ZC3H13: variants seen among roughly 807,000 people sequenced by gnomAD.
ZC3H13 encodes zinc finger CCCH domain-containing protein 13.
Under a neutral mutation model 204.1 loss-of-function variants are expected in ZC3H13, and 64 were observed. The ratio of observed to expected loss-of-function variants is 0.31; its 90% CI spans 0.26 to 0.39. The LOEUF (loss-of-function observed/expected upper bound fraction) is 0.39, where lower values mean the gene tolerates loss of function less well. Among genes scored for constraint, ZC3H13 ranks in the 10% least tolerant of loss-of-function variants. ZC3H13 has a pLI of 1.00. For missense variants in ZC3H13, 1,833 were observed against 2,082.7 expected (o/e 0.88, Z 2.33); for synonymous variants, 667 against 693.7 (o/e 0.96, Z 0.60).
intron 17 of ZC3H13, among the ~76,000 whole-genome samples, chr13:45,960,390 T>C (rs1026683824): frequency 1.3e-5 from 2 of 152,232 alleles, no homozygotes; most frequent in African/African-American, 4.8e-5. Flanking sequence ...AAGACTTTAT[T>C]ATAGCAAGAT....
At chr13:45,960,841 A>G (rs1221360258) in intron 17 of ZC3H13, among the ~76,000 whole-genome samples, 1 of 152,240 alleles carries the variant, frequency 6.6e-6, no homozygotes, top group East Asian at 1.9e-4. Flanking sequence ...TACTGAGAAC[A>G]AAATGAAGCT....
intron 13 of ZC3H13, 45 bp downstream of exon 13, chr13:45,970,317 C>T (rs780001804): frequency 6.3e-6 from 10 of 1,589,958 alleles, no homozygotes; most frequent in Non-Finnish European, 7.8e-6. Context: ...TTCATGGTTA[C>T]AAATGAATAT....
chr13:45,964,011 A>G lies in ZC3H13; in HGVS notation c.4506T>C (p.Ser1502=). The change falls in exon 17 of 19, where the codon TCT becomes TCC. Residue 1502 remains serine, a synonymous_variant. Transcript: ENST00000679008. Reference sequence around the variant, plus strand: ...CTTTTGGATGCTTTGGCATAAGACCAGACCAATCCACATCTATCACATCTA... The same window carrying G: ...CTTTTGGATGCTTTGGCATAAGACCGGACCAATCCACATCTATCACATCTA... ...DPLDVIDVDW[S]GLMPKHPKEP... is the part of the protein sequence containing the mutation. 6.2e-7 allele frequency: 1 copy of G among 1,614,110 alleles called. No homozygotes were observed. The highest frequency in any genetic ancestry group is 1.3e-5 in the African/African-American group (1 of 75,078).
chr13:46,032,228 T>C (rs561174151), intron 4 of ZC3H13, among the ~76,000 whole-genome samples: 1 of 152,280 alleles, frequency 6.6e-6, no homozygotes, highest in African/African-American at 2.4e-5. Context: ...ACTTTTGCTG[T>C]GATCCTAAAA....
intron 11 of ZC3H13, 92 bp downstream of exon 11, chr13:45,979,721 T>C (rs1160513670): frequency 7.8e-7 from 1 of 1,288,482 alleles, no homozygotes; most frequent in Non-Finnish European, 1.1e-6. Flanking sequence ...TTAAAGTATA[T>C]TTTATATTAA....
intron 4 of ZC3H13, among the ~76,000 whole-genome samples, chr13:46,039,086 G>C (rs917008958): frequency 7.2e-5 from 11 of 152,122 alleles, no homozygotes; most frequent in Non-Finnish European, 1.0e-4. Flanking sequence ...TTCTGTTTAA[G>C]TTTAGATAGT....
At chr13:45,993,259 A>G (rs1341727766) in intron 8 of ZC3H13, among the ~76,000 whole-genome samples, 1 of 152,194 alleles carries the variant, frequency 6.6e-6, no homozygotes, top group African/African-American at 2.4e-5. Flanking sequence ...TTTAAAAACA[A>G]TCTACATGTG....
intron 17 of ZC3H13, among the ~76,000 whole-genome samples, chr13:45,961,439 CA>C (rs1423883427): frequency 1.3e-5 from 2 of 150,794 alleles, no homozygotes; most frequent in Admixed American, 6.6e-5. Context: ...TGAGCAGCAC[CA>C]AATTACTCAA....
intron 14 of ZC3H13, among the ~76,000 whole-genome samples, chr13:45,968,248 T>C (rs891906441): frequency 6.6e-6 from 1 of 152,078 alleles, no homozygotes. Context: ...TAAGAAAAAT[T>C]CCTCTCTCAA....
Position 45,962,679 on chromosome 13 carries a change from G to A in ZC3H13, c.4675+1163C>T. The A allele has an allele frequency of 6.1e-6, 6 of 979,422 alleles. No homozygotes were observed. The South Asian group carries it at 2.8e-4, about 46-fold the overall frequency. 60.7% of individuals were successfully genotyped at this position (979,422 alleles called of 1,614,324 possible). On this transcript the variant is annotated intron_variant, in intron 17 of 18. Transcript: ENST00000679008. ...GCTTATGCTAATAGAGTAAAGGAAG[G>A]GCATGAATTCATAAAACTCATAAAA...
In ZC3H13 at chr13:46,007,646, C is replaced by T. The variant is rs994127962; in HGVS notation, c.746+2702G>A. On this transcript the variant is annotated intron_variant, in intron 7 of 18. Transcript: ENST00000679008. ...TATATGTGGTTAGAAAACACAATTA[C>T]GTTACAGTGCTTTCCAACTGAAGAG... is the stretch of plus-strand genomic sequence containing the variant. 5.3e-5 allele frequency among the ~76,000 whole-genome samples: 8 copies of T among 152,258 alleles called. No individual in the cohort carries two copies. In the East Asian group the frequency reaches 1.5e-3, roughly 29 times the overall value.
chr13:46,032,492 T>C (rs573894647), intron 4 of ZC3H13, among the ~76,000 whole-genome samples: 1 of 152,160 alleles, frequency 6.6e-6, no homozygotes, highest in South Asian at 2.1e-4. Flanking sequence ...TTTTTTTCTA[T>C]GAAATTGGCA....
chr13:45,979,356 C>A (rs1953349227), intron 11 of ZC3H13, among the ~76,000 whole-genome samples: 1 of 152,040 alleles, frequency 6.6e-6, no homozygotes, highest in South Asian at 2.1e-4. Context: ...TAAAATATTT[C>A]TCTAAACAAT....
At chr13:46,021,585 C>T (rs2042222282) in intron 4 of ZC3H13, among the ~76,000 whole-genome samples, 1 of 151,826 alleles carries the variant, frequency 6.6e-6, no homozygotes, top group Non-Finnish European at 1.5e-5. Context: ...TATATAACTG[C>T]CCCTAAATTC....
rs558980903 is a variant in ZC3H13 at position 45,967,914 on chromosome 13, C to T, written c.3911G>A (p.Arg1304Gln). The change falls in exon 15 of 19, where the codon CGA becomes CAA. Residue 1304 changes from arginine to glutamine, a missense_variant. By Grantham distance (43) the Arg-to-Gln change is conservative. This residue lies in a region of ZC3H13 where 1,574 missense variants were observed against 1,757.2 expected (regional missense o/e 0.90). Transcript: ENST00000679008. ...CTCGCGCTCTCTGTCGTGTTCATAT[C>T]GATCTCGTTCTTGAAGCCTGTCTCT... ...DSRDRLQERD[R>Q]YEHDRERERE... 2.5e-6 allele frequency: 4 copies of T among 1,613,988 alleles called. No individual in the cohort carries two copies. Among genetic ancestry groups the T allele is most frequent in the Non-Finnish European group, 3.4e-6 (4 of 1,179,948 alleles).
intron 4 of ZC3H13, 63 bp from the exon 5 acceptor site, chr13:46,020,620 G>A (rs1326373183): frequency 1.9e-6 from 2 of 1,061,892 alleles, no homozygotes; most frequent in Non-Finnish European, 2.7e-6. Context: ...GTAGTTTATT[G>A]TAATAAGAGA....
chr13:46,030,936 C>T (rs566971902), intron 4 of ZC3H13, among the ~76,000 whole-genome samples: 9 of 152,232 alleles, frequency 5.9e-5, no homozygotes, highest in African/African-American at 2.2e-4. Context: ...TTTGTAGATA[C>T]TGACATACTC....
chr13:45,984,068 G>A (rs1953952096), intron 10 of ZC3H13, among the ~76,000 whole-genome samples: 1 of 152,164 alleles, frequency 6.6e-6, no homozygotes, highest in Admixed American at 6.5e-5. Flanking sequence ...TGACTTTATG[G>A]TATATTCTAC....
intron 14 of ZC3H13, 52 bp from the exon 15 acceptor site, chr13:45,968,080 A>G (rs1952245862): frequency 6.7e-7 from 1 of 1,489,462 alleles, no homozygotes; most frequent in African/African-American, 1.4e-5. Flanking sequence ...ATAAAATAGA[A>G]ACAAAATGCT....
Sources: allele counts gnomAD v4.1 joint callset (sites outside exome capture counted in the v4.1 genomes callset), GRCh38; gene constraint gnomAD v4.1.1; regional missense constraint gnomAD v4.1.1; transcripts MANE v1.5; gene names NCBI Gene and HGNC (gene_info 2026-07-23, HGNC 2026-07-21).